CNTN4: variants seen among roughly 807,000 people sequenced by gnomAD.
The protein encoded by CNTN4 is contactin-4.
A neutral mutation model predicts 122.5 loss-of-function variants in CNTN4; 77 were observed. The observed-to-expected ratio is 0.63, with a 90% CI of 0.52 to 0.76. The LOEUF (loss-of-function observed/expected upper bound fraction) is 0.76, where lower values mean the gene tolerates loss of function less well. CNTN4 is among the 30% of genes least tolerant of loss of function. The pLI, the probability that CNTN4 is intolerant of heterozygous loss-of-function variation, is 0.00. For missense variants in CNTN4, 1,256 were observed against 1,259.1 expected, an observed-to-expected ratio of 1.00 and a Z score of 0.04; for synonymous variants, 512 against 447.0, an observed-to-expected ratio of 1.15 and a Z score of -1.83.
At chr3:2,861,988 T>G (rs2093676040) in intron 7 of CNTN4, among the ~76,000 whole-genome samples, 1 of 152,244 alleles carries the variant, frequency 6.6e-6, no homozygotes, top group Non-Finnish European at 1.5e-5. Context: ...TCAGCTCTTC[T>G]GAATACTGGG....
At chr3:2,651,978 A>T (rs1393409986) in intron 4 of CNTN4, among the ~76,000 whole-genome samples, 1 of 151,040 alleles carries the variant, frequency 6.6e-6, no homozygotes, top group Non-Finnish European at 1.5e-5. Context: ...AAGTGCTGGG[A>T]TTATAGGTGT....
chr3:3,035,696 A>G (rs1488474293), intron 17 of CNTN4, among the ~76,000 whole-genome samples: 1 of 152,162 alleles, frequency 6.6e-6, no homozygotes, highest in Non-Finnish European at 1.5e-5. Flanking sequence ...AGCTGAGACC[A>G]CAGGCGCAGG....
At chr3:2,280,113 G>A (rs1048040866) in intron 2 of CNTN4, among the ~76,000 whole-genome samples, 5 of 151,784 alleles carry the variant, frequency 3.3e-5, no homozygotes, top group Non-Finnish European at 5.9e-5. Flanking sequence ...CATTCAACAT[G>A]CATTTATTTT....
At chr3:2,749,844 A>G (rs1035557717) in intron 6 of CNTN4, among the ~76,000 whole-genome samples, 3 of 152,330 alleles carry the variant, frequency 2.0e-5, no homozygotes, top group East Asian at 1.9e-4. Flanking sequence ...TTCACTTTCA[A>G]TTGATTAGGA....
chr3:2,883,423 T>C (rs2093935130), intron 9 of CNTN4, among the ~76,000 whole-genome samples, 176 bp downstream of exon 9: 1 of 152,142 alleles, frequency 6.6e-6, no homozygotes, highest in African/African-American at 2.4e-5. Flanking sequence ...AGAGAGGACA[T>C]GTAATGGTGC....
chr3:2,359,138 G>A (rs1029349538), intron 3 of CNTN4, among the ~76,000 whole-genome samples: 2 of 152,138 alleles, frequency 1.3e-5, no homozygotes, highest in African/African-American at 4.8e-5. Flanking sequence ...ACCTGTGACA[G>A]CCCTCTCATA....
At chr3:2,173,646 C>CT in intron 2 of CNTN4, among the ~76,000 whole-genome samples, 1 of 152,184 alleles carries the variant, frequency 6.6e-6, no homozygotes, top group Middle Eastern at 3.4e-3. Flanking sequence ...TAGAGAAAAT[C>CT]TTTCGGATGT....
At chr3:2,877,082 C>G (rs1368586255) in intron 8 of CNTN4, among the ~76,000 whole-genome samples, 2 of 152,182 alleles carry the variant, frequency 1.3e-5, no homozygotes, top group African/African-American at 2.4e-5. Context: ...TACTTAAGAA[C>G]TGCCAACCGT....
In CNTN4 at chr3:2,112,400, A is replaced by G. The variant is rs2033032911; in HGVS notation, c.-145+11761A>G. Among the ~76,000 whole-genome samples, 6 of 152,214 alleles carry G rather than the reference A, an allele frequency of 3.9e-5. No individual in the cohort carries two copies. In the South Asian group the frequency reaches 1.0e-3, roughly 26 times the overall value. The stretch of plus-strand genomic sequence containing the variant: ...CTCCAGAGAATAGCAGTCACTTTAT[A>G]GGTGCTTTGAATTTTAAAACTTAGC... On this transcript the variant is annotated intron_variant, in intron 2 of 24. Transcript: ENST00000418658.
chr3:2,280,118 T>G (rs1259702919), intron 2 of CNTN4, among the ~76,000 whole-genome samples: 1 of 152,042 alleles, frequency 6.6e-6, no homozygotes, highest in African/African-American at 2.4e-5. Flanking sequence ...AACATGCATT[T>G]ATTTTTTTAT....
At chr3:2,926,667 C>T (rs189696916) in intron 13 of CNTN4, among the ~76,000 whole-genome samples, 13 of 152,276 alleles carry the variant, frequency 8.5e-5, no homozygotes, top group Admixed American at 8.5e-4. Flanking sequence ...GTGTACGTAT[C>T]TACCCTTTAC....
Position 2,536,159 on chromosome 3 carries a change from A to G in CNTN4, c.-88-35257A>G, listed in dbSNP as rs542617578. ...TTTAAGGGTGAAACAGTTCAGAACC[A>G]CATCTCCCACCATATAACTCAAAGA... On this transcript the variant is annotated intron_variant, in intron 3 of 24. Coordinates refer to ENST00000418658, the MANE Select transcript of CNTN4 (RefSeq NM_175607.3). 8.5e-5 allele frequency among the ~76,000 whole-genome samples: 13 copies of G among 152,292 alleles called. No individual in the cohort carries two copies. In the South Asian group the frequency reaches 2.7e-3, roughly 32 times the overall value.
chr3:2,701,985 A>G (rs999793988), intron 4 of CNTN4, among the ~76,000 whole-genome samples: 2 of 152,212 alleles, frequency 1.3e-5, no homozygotes, highest in Non-Finnish European at 1.5e-5. Flanking sequence ...TCTTAGCCAG[A>G]TTCAGAGGAA....
At chr3:2,172,062 T>A (rs2036541178) in intron 2 of CNTN4, among the ~76,000 whole-genome samples, 3 of 152,364 alleles carry the variant, frequency 2.0e-5, no homozygotes, top group Non-Finnish European at 4.4e-5. Context: ...CTCTGCTGCA[T>A]CCAGGGGAAA....
chr3:2,396,462 A>C (rs2046644542), intron 3 of CNTN4, among the ~76,000 whole-genome samples: 1 of 152,162 alleles, frequency 6.6e-6, no homozygotes, highest in Non-Finnish European at 1.5e-5. Context: ...AGCAGTCCTC[A>C]CATTGGCTTT....
At chr3:2,915,122 G>C (rs1427531873) in intron 12 of CNTN4, among the ~76,000 whole-genome samples, 2 of 152,194 alleles carry the variant, frequency 1.3e-5, no homozygotes. Flanking sequence ...CTGGAGTGCA[G>C]TGTTGTGATC....
intron 4 of CNTN4, among the ~76,000 whole-genome samples, chr3:2,691,015 A>G (rs1272532296): frequency 6.6e-6 from 1 of 152,194 alleles, no homozygotes; most frequent in Non-Finnish European, 1.5e-5. Flanking sequence ...CACGTGAGAA[A>G]CTGCTTCATC....
chr3:2,782,467 GT>G (rs2091637662), intron 6 of CNTN4, among the ~76,000 whole-genome samples: 2 of 18,690 alleles, frequency 1.1e-4, no homozygotes, highest in African/African-American at 4.5e-4. Context: ...TTCTTATTCT[GT>G]GTGTGTGTGT....
intron 2 of CNTN4, among the ~76,000 whole-genome samples, chr3:2,169,974 G>T (rs1368405422): frequency 6.6e-6 from 1 of 152,000 alleles, no homozygotes; most frequent in Non-Finnish European, 1.5e-5. Flanking sequence ...TTCACTACAT[G>T]ATGAGAGATA....
Sources: allele counts gnomAD v4.1 joint callset (sites outside exome capture counted in the v4.1 genomes callset), GRCh38; gene constraint gnomAD v4.1.1; transcripts MANE v1.5; gene names NCBI Gene and HGNC (gene_info 2026-07-23, HGNC 2026-07-21).